The following PDE11A variants were observed in gnomAD, a reference collection of about 807,000 sequenced individuals.
PDE11A encodes phosphodiesterase 11A.
PDE11A carries 100 observed loss-of-function variants against 100.5 expected under a neutral mutation model. The ratio of observed to expected loss-of-function variants is 1.00; its 90% CI spans 0.85 to 1.18. PDE11A has a LOEUF of 1.18. Ranked by LOEUF, PDE11A falls within the 50% of genes most tolerant of loss-of-function variation. The pLI is 0.00. For synonymous variants in PDE11A, 381 were observed against 420.8 expected (o/e 0.91, Z 1.16); for missense variants, 1,141 against 1,152.6 (o/e 0.99, Z 0.15).
At chr2:177,692,893 C>T (rs1400351740) in intron 15 of PDE11A, among the ~76,000 whole-genome samples, 1 of 151,762 alleles carries the variant, frequency 6.6e-6, no homozygotes, top group East Asian at 1.9e-4. Flanking sequence ...TATTTTTTTC[C>T]TTTTAGAGCA....
chr2:177,980,780 A>G (rs368196448), intron 2 of PDE11A, among the ~76,000 whole-genome samples: 2 of 150,704 alleles, frequency 1.3e-5, no homozygotes, highest in African/African-American at 4.8e-5. Flanking sequence ...AAAATTTCGA[A>G]TTACAAAGAG....
chr2:177,789,705 A>G (rs184879037), intron 9 of PDE11A, among the ~76,000 whole-genome samples: 12 of 152,346 alleles, frequency 7.9e-5, no homozygotes, highest in African/African-American at 2.6e-4. Flanking sequence ...AGGATACAAA[A>G]TCAATGTACA....
chr2:178,058,295 C>T (rs2086924381), intron 1 of PDE11A, among the ~76,000 whole-genome samples: 1 of 152,214 alleles, frequency 6.6e-6, no homozygotes, highest in Admixed American at 6.5e-5. Flanking sequence ...AGCCAAATCT[C>T]ATTTCAAATT....
At chr2:178,006,347 T>A (rs377220043) in intron 2 of PDE11A, among the ~76,000 whole-genome samples, 4 of 152,194 alleles carry the variant, frequency 2.6e-5, no homozygotes, top group African/African-American at 9.6e-5. Flanking sequence ...AAGGTGGAAA[T>A]GAGAATTCCA....
At chr2:177,788,622 C>T (rs2082577652) in intron 9 of PDE11A, among the ~76,000 whole-genome samples, 1 of 151,356 alleles carries the variant, frequency 6.6e-6, no homozygotes, top group African/African-American at 2.4e-5. Context: ...AAAGGATCAA[C>T]AAAATTGATA....
chr2:177,786,135 C>T (rs910459086), intron 9 of PDE11A, among the ~76,000 whole-genome samples: 2 of 152,204 alleles, frequency 1.3e-5, no homozygotes, highest in African/African-American at 4.8e-5. Flanking sequence ...TGGGAGGCAT[C>T]CCCCAGTAGG....
chr2:177,838,472 G>C (rs1271373955), intron 6 of PDE11A, among the ~76,000 whole-genome samples: 1 of 152,156 alleles, frequency 6.6e-6, no homozygotes, highest in East Asian at 1.9e-4. Context: ...ATACTTTTTA[G>C]TATTTAGTCT....
At chr2:177,702,694 G>T (rs1306176309) in intron 13 of PDE11A, 1 of 152,148 alleles carries the variant, frequency 6.6e-6, no homozygotes, top group East Asian at 1.9e-4. Flanking sequence ...GCAATTCTTG[G>T]AAAGACTCCC....
chr2:177,778,076 A>T (rs958726664), intron 9 of PDE11A, among the ~76,000 whole-genome samples: 6 of 152,258 alleles, frequency 3.9e-5, no homozygotes, highest in African/African-American at 1.4e-4. Flanking sequence ...TAAGGCAATT[A>T]TCGGACCCAT....
At chr2:177,981,150 A>C (rs1559031157) in intron 2 of PDE11A, among the ~76,000 whole-genome samples, 1 of 150,752 alleles carries the variant, frequency 6.6e-6, no homozygotes. Flanking sequence ...TTGGGAAGAT[A>C]ATAATAGCCT....
intron 14 of PDE11A, among the ~76,000 whole-genome samples, chr2:177,700,420 T>C: frequency 7.1e-6 from 1 of 140,794 alleles, no homozygotes. Flanking sequence ...AAAAAAAAAG[T>C]CTGTACGCTT....
intron 2 of PDE11A, among the ~76,000 whole-genome samples, chr2:177,935,718 G>A (rs1288196028): frequency 2.0e-5 from 3 of 152,192 alleles, no homozygotes; most frequent in Non-Finnish European, 4.4e-5. Flanking sequence ...CATGGAAGGA[G>A]CTTGAGACTT....
intron 10 of PDE11A, among the ~76,000 whole-genome samples, chr2:177,751,947 G>A (rs1022743457): frequency 2.0e-5 from 3 of 152,120 alleles, no homozygotes; most frequent in East Asian, 1.9e-4. Context: ...AAGCCCAAAG[G>A]GGTTAAGGTG....
chr2:177,716,254 GA>G (rs1349185236), intron 12 of PDE11A, among the ~76,000 whole-genome samples: 6 of 152,162 alleles, frequency 3.9e-5, no homozygotes, highest in Admixed American at 6.5e-5. Context: ...ACAGAGAGGG[GA>G]TGGAGACTTA....
At position 178,056,187 on chromosome 2, in the gene PDE11A, A is replaced by G. The variant is rs1298630418; in HGVS notation, c.912+15339T>C. On this transcript the variant is annotated intron_variant, in intron 1 of 19. Coordinates refer to ENST00000286063, the MANE Select transcript of PDE11A (RefSeq NM_016953.4). ...AACATATTGAGGGAGAAGAAATATA[A>G]TAACAAAGGTGATTGTCCCACATCC... Among the ~76,000 whole-genome samples the G allele has an allele frequency of 2.6e-5, 4 of 152,180 alleles. No individual in the cohort carries two copies. The East Asian group carries it at 7.7e-4, about 29-fold the overall frequency.
At chr2:177,809,453 T>C (rs748732492) in intron 9 of PDE11A, among the ~76,000 whole-genome samples, 4 of 152,134 alleles carry the variant, frequency 2.6e-5, no homozygotes, top group East Asian at 1.9e-4. Flanking sequence ...CCACAAGTAA[T>C]TGCTAACAGG....
At position 177,861,616 on chromosome 2, in the gene PDE11A, A is replaced by G. The variant is rs1287611932; in HGVS notation, c.1367+14243T>C. On this transcript the variant is annotated intron_variant, in intron 5 of 19. Coordinates refer to ENST00000286063, the MANE Select transcript of PDE11A (RefSeq NM_016953.4). ...ATACAAGAGACCTAAAATAGTCAAA[A>G]TGATCTTCAAGATGAAAAACAAAAA... 7.2e-5 allele frequency among the ~76,000 whole-genome samples: 11 copies of G among 151,892 alleles called. No homozygotes were observed. In the East Asian group the frequency reaches 1.9e-3, roughly 27 times the overall value.
chr2:178,095,685 A>G (rs2105886003), intron 2 of PDE11A, among the ~76,000 whole-genome samples: 1 of 152,214 alleles, frequency 6.6e-6, no homozygotes, highest in African/African-American at 2.4e-5. Context: ...CTCCATGAAG[A>G]CTCTGCCTCT....
intron 5 of PDE11A, among the ~76,000 whole-genome samples, chr2:177,844,471 A>G (rs901684999): frequency 7.9e-5 from 12 of 152,090 alleles, no homozygotes; most frequent in Admixed American, 1.3e-4. Context: ...CATTCAGACC[A>G]GAGTAATCAC....
Sources: allele counts gnomAD v4.1 joint callset (sites outside exome capture counted in the v4.1 genomes callset), GRCh38; gene constraint gnomAD v4.1.1; transcripts MANE v1.5; gene names NCBI Gene and HGNC (gene_info 2026-07-23, HGNC 2026-07-21).